Variants in KIAA1143 observed in about 807,000 individuals in gnomAD.
KIAA1143 encodes the protein uncharacterized protein KIAA1143.
A neutral mutation model predicts 17.0 loss-of-function variants in KIAA1143; 8 were observed. The ratio of observed to expected loss-of-function variants is 0.47; its 90% CI spans 0.28 to 0.85. The LOEUF (loss-of-function observed/expected upper bound fraction) is 0.85, where lower values mean the gene tolerates loss of function less well. Ranked by LOEUF, KIAA1143 falls within the 40% of genes least tolerant of loss-of-function variation. The pLI is 0.12. For missense variants in KIAA1143, 162 were observed against 183.3 expected, an observed-to-expected ratio of 0.88 and a Z score of 0.67; for synonymous variants, 64 against 67.8, an observed-to-expected ratio of 0.94 and a Z score of 0.27.
At chr3:44,760,274 CA>C (rs1705059369) in intron 1 of KIAA1143, among the ~76,000 whole-genome samples, 1 of 152,234 alleles carries the variant, frequency 6.6e-6, no homozygotes, top group African/African-American at 2.4e-5. Context: ...TCTTGTCATT[CA>C]TGTGTTCAAT....
chr3:44,753,437 T>C lies in KIAA1143; in HGVS notation c.369A>G (p.Glu123=), dbSNP rs1246404688. Residue 123 remains glutamate, a synonymous_variant, in exon 3 of 3, where the codon GAA becomes GAG. Transcript: ENST00000296121. ...TASSKKKKPN[E]DEVNQDSVKK... ...TGACCGAGTCCTGATTTACTTCATC[T>C]TCATTTGGCTTCTTCTTTTTTGAGC... The C allele has an allele frequency of 1.2e-6, 2 of 1,600,026 alleles. No homozygotes were observed. The highest frequency in any genetic ancestry group is 1.7e-6 in the Non-Finnish European group (2 of 1,167,526).
In KIAA1143 at chr3:44,749,265, T is replaced by C. The variant is rs1427008338; in HGVS notation, c.*4076A>G. 1 of 152,166 alleles carries C rather than the reference T, an allele frequency of 6.6e-6. No homozygotes were observed. Among genetic ancestry groups the C allele is most frequent in the Non-Finnish European group, 1.5e-5 (1 of 68,084 alleles). The allele number at this position is 152,166 out of a possible 1,614,324, so 9.4% of individuals were successfully genotyped here. On this transcript the variant is annotated 3_prime_UTR_variant, in exon 3 of 3. Coordinates refer to ENST00000296121, the MANE Select transcript of KIAA1143 (RefSeq NM_020696.4). ...TTAGCCGGGCGTGGTGGCGGGCGAC[T>C]GTAGTCCCAGATACTTGGGAGGCTG...
intron 1 of KIAA1143, among the ~76,000 whole-genome samples, chr3:44,757,701 A>T (rs1704996214): frequency 6.6e-6 from 1 of 152,258 alleles, no homozygotes; most frequent in South Asian, 2.1e-4. Flanking sequence ...AGAAAAACAG[A>T]AAGAGTAACT....
In KIAA1143 at chr3:44,750,315, A is replaced by C. The variant is rs1396263202; in HGVS notation, c.*3026T>G. ...CTTATTTGTAATGTTTGAATTATAC[A>C]GGAAACATTGTCAAGTGTGAGGTGG... On this transcript the variant is annotated 3_prime_UTR_variant, in exon 3 of 3. Transcript: ENST00000296121. 2 of 152,214 alleles carry C rather than the reference A, an allele frequency of 1.3e-5. No individual in the cohort carries two copies. The highest frequency in any genetic ancestry group is 2.9e-5 in the Non-Finnish European group (2 of 68,050). The allele number at this position is 152,214 out of a possible 1,614,324, so 9.4% of individuals were successfully genotyped here. A position where few individuals can be genotyped will look rare whatever the true frequency, so the allele number is the denominator to read the frequency against.
chr3:44,758,882 A>C (rs1424854828), intron 1 of KIAA1143, among the ~76,000 whole-genome samples: 1 of 141,638 alleles, frequency 7.1e-6, no homozygotes, highest in Non-Finnish European at 1.5e-5. Context: ...TTTTTTTTTG[A>C]GACAGGGTCT....
intron 1 of KIAA1143, among the ~76,000 whole-genome samples, chr3:44,754,966 CAT>C (rs1704948010): frequency 6.6e-6 from 1 of 152,098 alleles, no homozygotes; most frequent in African/African-American, 2.4e-5. Flanking sequence ...ATTTCTCAAA[CAT>C]AAAGTACAGA....
At position 44,753,494 on chromosome 3, in the gene KIAA1143, G is replaced by A; in HGVS notation, c.312C>T (p.Pro104=). ...RIIYRKPVKH[P]SDEKYSGLTA... The stretch of plus-strand genomic sequence containing the variant: ...TTAAACCTGAATATTTTTCATCTGA[G>A]GGATGCTTGACTGGTTTTCGATATA... Residue 104 remains proline, a synonymous_variant, in exon 3 of 3, where the codon CCC becomes CCT. Coordinates refer to ENST00000296121, the MANE Select transcript of KIAA1143 (RefSeq NM_020696.4). 1 of 1,612,260 alleles carries A rather than the reference G, an allele frequency of 6.2e-7. No homozygotes were observed. The highest frequency in any genetic ancestry group is 8.5e-7 in the Non-Finnish European group (1 of 1,178,546).
chr3:44,753,535 C>A lies in KIAA1143; in HGVS notation c.271G>T (p.Ala91Ser). The A allele has an allele frequency of 6.2e-7, 1 of 1,611,412 alleles. No individual in the cohort carries two copies. Among genetic ancestry groups the A allele is most frequent in the South Asian group, 1.1e-5 (1 of 90,744 alleles). Residue 91 changes from alanine (A) to serine (S), a missense_variant, in exon 3 of 3, where the codon GCC (alanine) becomes TCC (serine). Around this residue, in one of 2 missense-constraint regions of KIAA1143, gnomAD observed 137 missense variants for 132.5 expected, o/e 1.03. Transcript: ENST00000296121. ...TTTCGATATATGATTCTTCCATCGG[C>A]TGGAGTTGGTTCTTCATCTGAGCAA... is the stretch of plus-strand genomic sequence containing the variant. Reference protein sequence around the residue: ...AAKADEEPTPADGRIIYRKPV... With the variant: ...AAKADEEPTPSDGRIIYRKPV...
rs986486025 is a variant in KIAA1143, at chr3:44,753,274, G to GA, written c.*66dup. 5 of 1,264,190 alleles carry GA rather than the reference G, an allele frequency of 4.0e-6. No individual in the cohort carries two copies. In the African/African-American group the frequency reaches 6.0e-5, roughly 15 times the overall value. The allele number at this position is 1,264,190 out of a possible 1,614,324, so 78.3% of individuals were successfully genotyped here. On this transcript the variant is annotated 3_prime_UTR_variant, in exon 3 of 3. Transcript: ENST00000296121. The stretch of plus-strand genomic sequence containing the variant: ...AGAACTTGTAGTATCTTTATAATAG[G>GA]AAAAAATGTGATTTTAATGAACACT...
At chr3:44,756,818 A>T (rs1480961762) in intron 1 of KIAA1143, among the ~76,000 whole-genome samples, 1 of 152,200 alleles carries the variant, frequency 6.6e-6, no homozygotes, top group African/African-American at 2.4e-5. Context: ...GTATATTGTT[A>T]TGATTGTTCT....
chr3:44,759,888 C>A (rs1405787334), intron 1 of KIAA1143, among the ~76,000 whole-genome samples: 1 of 32,984 alleles, frequency 3.0e-5, no homozygotes, highest in East Asian at 5.1e-3. Context: ...GAGTGAGACC[C>A]TATCTCAAAA....
Position 44,751,529 on chromosome 3 carries a change from A to C in KIAA1143, c.*1812T>G, listed in dbSNP as rs1243068405. 1.3e-5 allele frequency: 2 copies of C among 152,162 alleles called. No individual in the cohort carries two copies. Among genetic ancestry groups the C allele is most frequent in the Non-Finnish European group, 2.9e-5 (2 of 68,036 alleles). The allele number at this position is 152,162 out of a possible 1,614,324, so 9.4% of individuals were successfully genotyped here. A position where few individuals can be genotyped will look rare whatever the true frequency, so the allele number is the denominator to read the frequency against. On this transcript the variant is annotated 3_prime_UTR_variant, in exon 3 of 3. Transcript: ENST00000296121. ...CAGGTGGCTTATGTATTTTCCTAGA[A>C]GAAGAATGCTGTTTTGATGTCAACC...
chr3:44,759,894 C>CAAAAAAAAAAAAAAAAAAAAAA (rs527806223), intron 1 of KIAA1143, among the ~76,000 whole-genome samples: 8 of 51,106 alleles, frequency 1.6e-4, no homozygotes, highest in East Asian at 8.0e-4. Flanking sequence ...GACCCTATCT[C>CAAAAAAAAAAAAAAAAAAAAAA]AAAAAAAAAA....
intron 1 of KIAA1143, among the ~76,000 whole-genome samples, chr3:44,761,270 C>A (rs1486918698): frequency 6.6e-6 from 1 of 152,190 alleles, no homozygotes; most frequent in East Asian, 1.9e-4. Context: ...CACGTCAGTT[C>A]ATTTTCAGGA....
intron 2 of KIAA1143, 123 bp downstream of exon 2, chr3:44,754,101 C>T: frequency 1.1e-6 from 1 of 926,898 alleles, no homozygotes; most frequent in Admixed American, 2.4e-5. Flanking sequence ...TGGTAAGTGT[C>T]AAAGCTAAGG....
intron 1 of KIAA1143, among the ~76,000 whole-genome samples, chr3:44,757,386 A>G (rs1251452091): frequency 1.3e-5 from 2 of 152,106 alleles, no homozygotes; most frequent in African/African-American, 4.8e-5. Context: ...CATACAGTCC[A>G]TGACTCTCAA....
In KIAA1143 at chr3:44,751,303, G is replaced by A. The variant is rs1364221699; in HGVS notation, c.*2038C>T. The stretch of plus-strand genomic sequence containing the variant: ...TTTAACTGCAACCACCAGACACAAC[G>A]GCTAGGAATAACAGCAGAGGTAGGA... On this transcript the variant is annotated 3_prime_UTR_variant, in exon 3 of 3. Coordinates refer to ENST00000296121, the MANE Select transcript of KIAA1143 (RefSeq NM_020696.4). The A allele has an allele frequency of 1.3e-5, 2 of 151,956 alleles. No individual in the cohort carries two copies. Among genetic ancestry groups the A allele is most frequent in the African/African-American group, 4.8e-5 (2 of 41,334 alleles). 9.4% of individuals were successfully genotyped at this position (151,956 alleles called of 1,614,324 possible). A position where few individuals can be genotyped will look rare whatever the true frequency, so the allele number is the denominator to read the frequency against.
rs1704905829 is a variant in KIAA1143 at position 44,752,610 on chromosome 3, T to C, written c.*731A>G. ...GGCATGTCAGCAAGGAGCCAAGCTC[T>C]GAGTCTTTTTACTAACATGACCCAA... On this transcript the variant is annotated 3_prime_UTR_variant, in exon 3 of 3. Coordinates refer to ENST00000296121, the MANE Select transcript of KIAA1143 (RefSeq NM_020696.4). 6.6e-6 allele frequency: 1 copy of C among 151,852 alleles called. No homozygotes were observed. Among genetic ancestry groups the C allele is most frequent in the Non-Finnish European group, 1.5e-5 (1 of 67,954 alleles). The allele number at this position is 151,852 out of a possible 1,614,324, so 9.4% of individuals were successfully genotyped here. A position where few individuals can be genotyped will look rare whatever the true frequency, so the allele number is the denominator to read the frequency against.
chr3:44,759,894 CAAAAAAAAAAA>C (rs527806223), intron 1 of KIAA1143, among the ~76,000 whole-genome samples: 1 of 51,102 alleles, frequency 2.0e-5, no homozygotes, highest in East Asian at 8.0e-4. Context: ...GACCCTATCT[CAAAAAAAAAAA>C]AAAAAAAAAA....
Sources: gnomAD v4.1 joint callset for allele counts (sites outside exome capture counted in the v4.1 genomes callset) on GRCh38, gnomAD v4.1.1 for gene constraint, gnomAD v4.1.1 regional missense constraint, MANE v1.5 for transcripts, NCBI Gene and HGNC (gene_info 2026-07-23, HGNC 2026-07-21) for gene names.